The following RGPD3 variants were observed in gnomAD, a reference collection of about 807,000 sequenced individuals.
RGPD3 encodes the protein ranBP2-like and GRIP domain-containing protein 3.
In RGPD3, 62 loss-of-function variants were observed where a neutral mutation model predicts 154.5. That is an observed-to-expected ratio of 0.40 (90% CI 0.33 to 0.50). The LOEUF (loss-of-function observed/expected upper bound fraction) is 0.50, where lower values mean the gene tolerates loss of function less well. RGPD3 is among the 20% of genes least tolerant of loss of function. RGPD3 has a pLI of 0.59. For missense variants in RGPD3, 919 were observed against 1,716.8 expected, an observed-to-expected ratio of 0.54 and a Z score of 8.21; for synonymous variants, 308 against 607.0, an observed-to-expected ratio of 0.51 and a Z score of 7.24.
At position 106,423,689 on chromosome 2, in the gene RGPD3, T is replaced by C; in HGVS notation, c.4278A>G (p.Val1426=). 1 of 1,609,968 alleles carries C rather than the reference T, an allele frequency of 6.2e-7. No homozygotes were observed. The highest frequency in any genetic ancestry group is 1.3e-5 in the African/African-American group (1 of 74,558). Residue 1426 remains valine (V), a synonymous_variant, in exon 20 of 23, where the codon GTA becomes GTG. Transcript: ENST00000409886. ...CAAAATCACATGCAGTCCACACCCA[T>C]ACTCTTTCTGTCCCTTTCATATTTT... The part of the protein sequence containing the change: ...SLQNMKGTER[V]WVWTACDFAD...
At position 106,424,633 on chromosome 2, in the gene RGPD3, G is replaced by A; in HGVS notation, c.3334C>T (p.His1112Tyr). 15 of 1,611,894 alleles carry A rather than the reference G, an allele frequency of 9.3e-6. No individual in the cohort carries two copies. The highest frequency in any genetic ancestry group is 1.3e-5 in the Non-Finnish European group (15 of 1,179,862). The stretch of plus-strand genomic sequence containing the variant: ...AGGTTCATTGTAGTCGTTATCCAAT[G>A]ATTAGCACACACTTTTAGTACTTGT... ...REQVLKVCAN[H>Y]WITTTMNLKP... The change falls in exon 20 of 23, where the codon CAT becomes TAT. Residue 1112 changes from histidine (H) to tyrosine (Y), a missense_variant. By Grantham distance (83) the His-to-Tyr change is moderately conservative. Transcript: ENST00000409886.
intron 21 of RGPD3, among the ~76,000 whole-genome samples, chr2:106,414,552 G>A (rs906378624): frequency 1.5e-4 from 23 of 150,110 alleles, no homozygotes; most frequent in Admixed American, 7.3e-4. Flanking sequence ...AACCTGGGAG[G>A]CGGAGATTGC....
chr2:106,407,647 C>A (rs1676556387), intron 22 of RGPD3, among the ~76,000 whole-genome samples: 1 of 152,230 alleles, frequency 6.6e-6, no homozygotes, highest in Admixed American at 6.5e-5. Flanking sequence ...TTGCTGTGTT[C>A]TCAGATCTGG....
chr2:106,405,029 C>T lies in RGPD3; in HGVS notation c.*190G>A. 1.4e-6 allele frequency: 1 copy of T among 708,870 alleles called. No homozygotes were observed. The highest frequency in any genetic ancestry group is 3.0e-5 in the Admixed American group (1 of 33,872). The allele number at this position is 708,870 out of a possible 1,614,324, so 43.9% of individuals were successfully genotyped here. A position where few individuals can be genotyped will look rare whatever the true frequency, so the allele number is the denominator to read the frequency against. On this transcript the variant is annotated 3_prime_UTR_variant, in exon 23 of 23. Transcript: ENST00000409886. Reference sequence around the variant, plus strand: ...GTTGAAACTTTTAAAATACATCTGTCATATAGATGTACAAATATATGTAAA... The same window carrying T: ...GTTGAAACTTTTAAAATACATCTGTTATATAGATGTACAAATATATGTAAA...
At chr2:106,460,771 C>T (rs1175115222) in intron 1 of RGPD3, among the ~76,000 whole-genome samples, 4 of 71,330 alleles carry the variant, frequency 5.6e-5, no homozygotes, top group Admixed American at 2.1e-4. Context: ...CGCTTGAACC[C>T]GGGAGGCAGC....
chr2:106,468,805 CAAAAAAAAAAAAAAAAA>C (rs57971663), upstream of RGPD3, among the ~76,000 whole-genome samples: 9 of 56,918 alleles, frequency 1.6e-4, 1 homozygote, highest in African/African-American at 7.2e-4. Flanking sequence ...GACTCCATCT[CAAAAAAAAAAAAAAAAA>C]AAAAAAAAAA....
At chr2:106,466,891 G>T (rs1249370669) in intron 1 of RGPD3, among the ~76,000 whole-genome samples, 1 of 99,628 alleles carries the variant, frequency 1.0e-5, no homozygotes, top group African/African-American at 3.4e-5. Flanking sequence ...CGCCGGGCCG[G>T]GTCGAGGCCG....
chr2:106,410,539 G>T (rs2104442348), intron 22 of RGPD3, among the ~76,000 whole-genome samples: 2 of 152,324 alleles, frequency 1.3e-5, no homozygotes, highest in Middle Eastern at 6.8e-3. Context: ...GCTTTTAAAA[G>T]AGGGCTGTTA....
intron 6 of RGPD3, among the ~76,000 whole-genome samples, chr2:106,448,894 T>C (rs1678015835): frequency 6.6e-6 from 1 of 150,602 alleles, no homozygotes; most frequent in Non-Finnish European, 1.5e-5. Flanking sequence ...GTTTCACCAT[T>C]GTTAGCTGGG....
At chr2:106,439,774 G>A (rs906790828) in intron 8 of RGPD3, among the ~76,000 whole-genome samples, 4 of 67,654 alleles carry the variant, frequency 5.9e-5, no homozygotes, top group Non-Finnish European at 1.2e-4. Context: ...GCTGAGGGAG[G>A]AGAATGGTGT....
intron 7 of RGPD3, among the ~76,000 whole-genome samples, 196 bp from the exon 8 acceptor site, chr2:106,441,576 C>G (rs561981361): frequency 6.6e-6 from 1 of 151,614 alleles, no homozygotes; most frequent in South Asian, 2.1e-4. Context: ...CAGGTACAGG[C>G]GTGGTGGCTC....
At chr2:106,437,644 TA>T (rs1349793071) in intron 9 of RGPD3, among the ~76,000 whole-genome samples, 1 of 152,248 alleles carries the variant, frequency 6.6e-6, no homozygotes, top group African/African-American at 2.4e-5. Context: ...ATTCTGTTTA[TA>T]GGTATCTCTA....
chr2:106,462,716 C>T (rs1229388666), intron 1 of RGPD3, among the ~76,000 whole-genome samples: 4 of 152,060 alleles, frequency 2.6e-5, no homozygotes, highest in Admixed American at 2.0e-4. Context: ...CGGAGTCTCG[C>T]TCTGTCACCC....
intron 18 of RGPD3, among the ~76,000 whole-genome samples, chr2:106,428,694 A>AG (rs988299230): frequency 1.3e-5 from 2 of 151,640 alleles, no homozygotes; most frequent in African/African-American, 2.4e-5. Flanking sequence ...AGAGAGAGAG[A>AG]GAAAAAAAAG....
chr2:106,424,053 G>T lies in RGPD3; in HGVS notation c.3914C>A (p.Ser1305Tyr), dbSNP rs754315490. 2.5e-6 allele frequency: 4 copies of T among 1,611,434 alleles called. No individual in the cohort carries two copies. The highest frequency in any genetic ancestry group is 3.4e-6 in the Non-Finnish European group (4 of 1,179,808). The change falls in exon 20 of 23, where the codon TCT (serine) becomes TAT (tyrosine). Residue 1305 changes from serine (S) to tyrosine (Y), a missense_variant. Ser to Tyr is a moderately radical substitution (Grantham distance 144). Coordinates refer to ENST00000409886, the MANE Select transcript of RGPD3 (RefSeq NM_001144013.2). ...CCCACTCTGATTCAACTTGGCAGGA[G>T]ACTTAGATAGACTCAAAGCAGATTT... The part of the protein sequence containing the change: ...SFKSALSLSK[S>Y]PAKLNQSGTS...
At chr2:106,413,594 G>T (rs1435609076) in intron 21 of RGPD3, among the ~76,000 whole-genome samples, 1 of 152,254 alleles carries the variant, frequency 6.6e-6, no homozygotes, top group Admixed American at 6.5e-5. Flanking sequence ...TGACTCCACT[G>T]TCCTAAGCTA....
intron 1 of RGPD3, among the ~76,000 whole-genome samples, chr2:106,466,508 G>C (rs1421962322): frequency 7.5e-6 from 1 of 132,554 alleles, no homozygotes; most frequent in African/African-American, 2.9e-5. Context: ...AGCAGCGCCC[G>C]TCGGGAGCCA....
chr2:106,449,488 G>A (rs1390249827), intron 6 of RGPD3, among the ~76,000 whole-genome samples: 9 of 124,696 alleles, frequency 7.2e-5, no homozygotes, highest in Admixed American at 2.4e-4. Context: ...AAAAAAAAAA[G>A]CTATAATTAT....
chr2:106,466,114 GC>G (rs1364032715), intron 1 of RGPD3, among the ~76,000 whole-genome samples: 20 of 151,820 alleles, frequency 1.3e-4, no homozygotes, highest in Non-Finnish European at 2.8e-4. Context: ...GTACTACGGG[GC>G]CAGAAAGCCC....
Sources: gnomAD v4.1 joint callset for allele counts (sites outside exome capture counted in the v4.1 genomes callset) on GRCh38, gnomAD v4.1.1 for gene constraint, MANE v1.5 for transcripts, NCBI Gene and HGNC (gene_info 2026-07-23, HGNC 2026-07-21) for gene names.